Variants in SLC39A10 observed in about 807,000 individuals in gnomAD.
SLC39A10 encodes zinc transporter ZIP10.
Under a neutral mutation model 65.1 loss-of-function variants are expected in SLC39A10, and 13 were observed. The observed-to-expected ratio is 0.20, with a 90% CI of 0.13 to 0.32. The LOEUF is 0.32. SLC39A10 is among the 10% of genes least tolerant of loss of function. The pLI, the probability that SLC39A10 is intolerant of heterozygous loss-of-function variation, is 1.00. For synonymous variants in SLC39A10, 321 were observed against 342.2 expected (o/e 0.94, Z 0.68); for missense variants, 831 against 1,018.4 (o/e 0.82, Z 2.50).
In SLC39A10 at chr2:195,737,629, GGT is replaced by G. The variant is rs1692705176; in HGVS notation, c.*2593_*2594del. 1.3e-5 allele frequency: 3 copies of G among 223,926 alleles called. No homozygotes were observed. Among genetic ancestry groups the G allele is most frequent in the Non-Finnish European group, 2.6e-5 (3 of 113,484 alleles). The allele number at this position is 223,926 out of a possible 1,614,324, so 13.9% of individuals were successfully genotyped here. A position where few individuals can be genotyped will look rare whatever the true frequency, so the allele number is the denominator to read the frequency against. ...TTTTTTTTTTTTCATTGTCAACAGT[GGT>G]GTGTCATTTTATGTATGTTCCTAAT... On this transcript the variant is annotated 3_prime_UTR_variant, in exon 10 of 10. Coordinates refer to ENST00000359634, the MANE Select transcript of SLC39A10 (RefSeq NM_020342.3).
chr2:195,647,903 C>G (rs928331740), intron 2 of SLC39A10, among the ~76,000 whole-genome samples: 1 of 152,002 alleles, frequency 6.6e-6, no homozygotes, highest in Non-Finnish European at 1.5e-5. Context: ...TCTCTTTTTC[C>G]AAGACAGACT....
At chr2:195,732,609 A>T (rs1412697134) in intron 9 of SLC39A10, among the ~76,000 whole-genome samples, 1 of 152,218 alleles carries the variant, frequency 6.6e-6, no homozygotes, top group Non-Finnish European at 1.5e-5. Flanking sequence ...GTTTATGCTT[A>T]AGTATTTAAG....
At chr2:195,722,781 A>AT (rs1241920420) in intron 8 of SLC39A10, among the ~76,000 whole-genome samples, 1 of 152,172 alleles carries the variant, frequency 6.6e-6, no homozygotes, top group Non-Finnish European at 1.5e-5. Flanking sequence ...GCCCTGTTAC[A>AT]TTTTTCATTA....
At chr2:195,688,328 C>T (rs916178808) in intron 3 of SLC39A10, among the ~76,000 whole-genome samples, 4 of 151,716 alleles carry the variant, frequency 2.6e-5, no homozygotes, top group South Asian at 2.1e-4. Flanking sequence ...TTTTTTCCTA[C>T]GTGTAGGAAA....
chr2:195,696,332 A>C (rs967274936), intron 3 of SLC39A10, among the ~76,000 whole-genome samples: 3 of 151,652 alleles, frequency 2.0e-5, no homozygotes, highest in Admixed American at 6.6e-5. Context: ...AAAAAAAAAA[A>C]AAACCTATCA....
At chr2:195,673,624 A>G (rs958788222) in intron 1 of SLC39A10, among the ~76,000 whole-genome samples, 14 of 152,112 alleles carry the variant, frequency 9.2e-5, no homozygotes, top group Non-Finnish European at 1.9e-4. Flanking sequence ...CTTGCATCAG[A>G]CTCACTAGAA....
intron 1 of SLC39A10, among the ~76,000 whole-genome samples, chr2:195,666,141 G>A (rs1252750167): frequency 6.6e-6 from 1 of 152,102 alleles, no homozygotes; most frequent in African/African-American, 2.4e-5. Flanking sequence ...AAGACTCTAT[G>A]TTCAAGAATT....
chr2:195,621,586 C>G (rs1168629379), intron 2 of SLC39A10, among the ~76,000 whole-genome samples: 3 of 152,166 alleles, frequency 2.0e-5, no homozygotes, highest in Admixed American at 2.0e-4. Context: ...AAGCTTCCCT[C>G]TATCATTCGA....
intron 1 of SLC39A10, chr2:195,657,592 C>G (rs1007445476): frequency 4.2e-5 from 41 of 982,386 alleles, no homozygotes; most frequent in Admixed American, 1.8e-4. Flanking sequence ...CTCGCGCCCC[C>G]CTCACCTTCC....
At chr2:195,697,686 C>A (rs142869764) in intron 3 of SLC39A10, among the ~76,000 whole-genome samples, 1 of 151,078 alleles carries the variant, frequency 6.6e-6, no homozygotes, top group African/African-American at 2.4e-5. Flanking sequence ...TATGACAAAG[C>A]TCTAATCTCC....
At chr2:195,631,864 T>C (rs1212364273) in intron 2 of SLC39A10, among the ~76,000 whole-genome samples, 1 of 152,160 alleles carries the variant, frequency 6.6e-6, no homozygotes, top group Non-Finnish European at 1.5e-5. Flanking sequence ...GCTGAGGCTC[T>C]TTGTTCAGGG....
At chr2:195,619,131 G>A (rs947478515) in intron 2 of SLC39A10, among the ~76,000 whole-genome samples, 1 of 145,356 alleles carries the variant, frequency 6.9e-6, no homozygotes. Flanking sequence ...AGAGAGAAAG[G>A]AAAGAATAAT....
At chr2:195,655,012 C>T (rs2105716789), upstream of SLC39A10, among the ~76,000 whole-genome samples, 1 of 152,292 alleles carries the variant, frequency 6.6e-6, no homozygotes, top group South Asian at 2.1e-4. Flanking sequence ...GAGACACAGT[C>T]TCTATTTTCA....
chr2:195,680,080 G>A lies in SLC39A10; in HGVS notation c.38G>A (p.Cys13Tyr). The A allele has an allele frequency of 6.2e-7, 1 of 1,604,330 alleles. No homozygotes were observed. Among genetic ancestry groups the A allele is most frequent in the Non-Finnish European group, 8.5e-7 (1 of 1,177,616 alleles). The change falls in exon 2 of 10, where the codon TGT becomes TAT. Residue 13 changes from cysteine (C) to tyrosine (Y), a missense_variant. Physicochemically the swap from Cys to Tyr is radical, Grantham distance 194. Transcript: ENST00000359634. ...ATGCACACAAAATTTTGCCTCATTT[G>A]TTTGCTGACATTTATTTTTCATCAT... is the stretch of plus-strand genomic sequence containing the variant. ...VHMHTKFCLI[C>Y]LLTFIFHHCN... is the part of the protein sequence containing the mutation.
intron 2 of SLC39A10, among the ~76,000 whole-genome samples, chr2:195,622,058 C>CT (rs1688359572): frequency 1.3e-5 from 2 of 152,096 alleles, no homozygotes; most frequent in African/African-American, 4.8e-5. Context: ...TATCATTGTA[C>CT]TTTTTTAAGA....
chr2:195,679,201 G>A (rs1452143089), intron 1 of SLC39A10, among the ~76,000 whole-genome samples: 2 of 152,108 alleles, frequency 1.3e-5, no homozygotes, highest in Non-Finnish European at 2.9e-5. Flanking sequence ...AGCATTTCTT[G>A]TTTCAGATTT....
Position 195,680,338 on chromosome 2 carries a change from T to C in SLC39A10, c.296T>C (p.Ile99Thr), listed in dbSNP as rs1690252376. Reference sequence around the variant, plus strand: ...CTTGGAGAGAGAAAAGTAGTTGAGATTAATCATGAGGATCTTGGCCACGAT... The same window carrying C: ...CTTGGAGAGAGAAAAGTAGTTGAGACTAATCATGAGGATCTTGGCCACGAT... The part of the protein sequence containing the change: ...LGLGERKVVE[I>T]NHEDLGHDHV... Residue 99 changes from isoleucine (I) to threonine (T), a missense_variant, in exon 2 of 10, where the codon ATT becomes ACT. By Grantham distance (89) the Ile-to-Thr change is moderately conservative. This residue lies in a region of SLC39A10 where 446 missense variants were observed against 499.2 expected (regional missense o/e 0.89). Coordinates refer to ENST00000359634, the MANE Select transcript of SLC39A10 (RefSeq NM_020342.3). 6.2e-7 allele frequency: 1 copy of C among 1,614,038 alleles called. No individual in the cohort carries two copies. Among genetic ancestry groups the C allele is most frequent in the African/African-American group, 1.3e-5 (1 of 74,914 alleles).
chr2:195,685,288 C>A (rs1412196172), intron 3 of SLC39A10, among the ~76,000 whole-genome samples: 2 of 152,070 alleles, frequency 1.3e-5, no homozygotes, highest in African/African-American at 4.8e-5. Context: ...TGATTTTTCC[C>A]ATATATCTTT....
Position 195,716,836 on chromosome 2 carries a change from C to T in SLC39A10, c.1896C>T (p.Asn632=), listed in dbSNP as rs767596218. ...CTGCACATAACCACCACGGCGAGAA[C>T]AAAACTGTGCTGAGGAAGCATAATC... The part of the protein sequence containing the change: ...HAAAHNHHGE[N]KTVLRKHNHQ... Residue 632 remains asparagine (N), a synonymous_variant, in exon 7 of 10, where the codon AAC becomes AAT. Transcript: ENST00000359634. 8.7e-6 allele frequency: 14 copies of T among 1,614,146 alleles called. No individual in the cohort carries two copies. The South Asian group carries it at 1.4e-4, about 16-fold the overall frequency.
Sources: gnomAD v4.1 joint callset for allele counts (sites outside exome capture counted in the v4.1 genomes callset) on GRCh38, gnomAD v4.1.1 for gene constraint, gnomAD v4.1.1 regional missense constraint, MANE v1.5 for transcripts, NCBI Gene and HGNC (gene_info 2026-07-23, HGNC 2026-07-21) for gene names.